Variants in MFAP2 observed in about 807,000 individuals in gnomAD.
MFAP2 encodes microfibril associated protein 2, also known as microfibrillar-associated protein 2.
A neutral mutation model predicts 30.6 loss-of-function variants in MFAP2; 23 were observed. The observed-to-expected ratio is 0.75, with a 90% confidence interval of 0.54 to 1.07. The LOEUF (loss-of-function observed/expected upper bound fraction) is 1.07. Among genes scored for constraint, MFAP2 ranks in the 50% least tolerant of loss-of-function variants. The pLI is 0.00. For synonymous variants in MFAP2, 73 were observed against 85.7 expected, an observed-to-expected ratio of 0.85 and a Z score of 0.82; for missense variants, 198 against 223.8, an observed-to-expected ratio of 0.88 and a Z score of 0.74.
rs981109024 is a variant in MFAP2 at position 16,975,163 on chromosome 1, C to T, written c.448+106G>A. ...GAGCTCAGGGTGTCCTGGAAGTGGG[C>T]CTGGTGGATAATATGTGTTGAATAA... On this transcript the variant is annotated intron_variant, in intron 8 of 8. Coordinates refer to ENST00000375535, the MANE Select transcript of MFAP2 (RefSeq NM_002403.4). This position sits in a 1 kb window ranked among gnomAD's most constrained non-coding sequence, Gnocchi z 5.0. 24 of 1,289,722 alleles carry T rather than the reference C, an allele frequency of 1.9e-5. No individual in the cohort carries two copies. The South Asian group carries it at 1.9e-4, about 10-fold the overall frequency. 79.9% of individuals were successfully genotyped at this position (1,289,722 alleles called of 1,614,324 possible). A position where few individuals can be genotyped will look rare whatever the true frequency, so the allele number is the denominator to read the frequency against.
upstream of MFAP2, among the ~76,000 whole-genome samples, chr1:16,981,533 A>ACTCCG (rs2076638141): frequency 6.6e-6 from 1 of 151,838 alleles, no homozygotes; most frequent in African/African-American, 2.4e-5. Context: ...TTCTTTTGTG[A>ACTCCG]CTCCGTTCAC....
chr1:16,980,795 A>C, upstream of MFAP2: 1 of 151,440 alleles, frequency 6.6e-6, no homozygotes, highest in Non-Finnish European at 1.5e-5. Flanking sequence ...CCCGGGGTAG[A>C]GGCGCCCGGG....
chr1:16,978,427 G>T, intron 1 of MFAP2, 113 bp from the exon 2 acceptor site: 1 of 842,634 alleles, frequency 1.2e-6, no homozygotes. Context: ...ATAGAAGCCA[G>T]GCATGGGAGG....
In MFAP2 at chr1:16,974,982, C is replaced by G; in HGVS notation, c.490G>C (p.Ala164Pro). The G allele has an allele frequency of 9.5e-7, 1 of 1,048,006 alleles. No homozygotes were observed. 64.9% of individuals were successfully genotyped at this position (1,048,006 alleles called of 1,614,324 possible). A position where few individuals can be genotyped will look rare whatever the true frequency, so the allele number is the denominator to read the frequency against. Residue 164 changes from alanine to proline, a missense_variant, in exon 9 of 9, where the codon GCC (alanine) becomes CCC (proline). Transcript: ENST00000375535. ...RDKFSKCGVM[A>P]SSGLCQSVAA... ...ACGGATTGGCACAGGCCGCTGCTGG[C>G]CATCACGCCACATTTGGAGAACTTG...
At chr1:16,977,874 C>A in intron 2 of MFAP2, 1 of 266,444 alleles carries the variant, frequency 3.8e-6, no homozygotes. Flanking sequence ...AGCAGAAGGG[C>A]CCTGAATGGA....
At position 16,975,211 on chromosome 1, in the gene MFAP2, G is replaced by A; in HGVS notation, c.448+58C>T. 6.6e-7 allele frequency: 1 copy of A among 1,519,552 alleles called. No homozygotes were observed. Among genetic ancestry groups the A allele is most frequent in the Non-Finnish European group, 9.1e-7 (1 of 1,099,802 alleles). The allele number at this position is 1,519,552 out of a possible 1,614,324, so 94.1% of individuals were successfully genotyped here. On this transcript the variant is annotated intron_variant, in intron 8 of 8. Coordinates refer to ENST00000375535, the MANE Select transcript of MFAP2 (RefSeq NM_002403.4). The surrounding 1 kb of genome is among the most constrained non-coding windows in gnomAD (Gnocchi z 5.0). ...TAAACATCAGGTGGGTGGCTAGGTG[G>A]CCAGATAATGATGCGGGTGTGGGGA...
Position 16,976,317 on chromosome 1 carries a change from G to T in MFAP2, c.286+184C>A. 1 of 722,870 alleles carries T rather than the reference G, an allele frequency of 1.4e-6. No homozygotes were observed. The highest frequency in any genetic ancestry group is 2.4e-6 in the Non-Finnish European group (1 of 421,590). The allele number at this position is 722,870 out of a possible 1,614,324, so 44.8% of individuals were successfully genotyped here. A position where few individuals can be genotyped will look rare whatever the true frequency, so the allele number is the denominator to read the frequency against. On this transcript the variant is annotated intron_variant, in intron 6 of 8. Coordinates refer to ENST00000375535, the MANE Select transcript of MFAP2 (RefSeq NM_002403.4). The surrounding 1 kb of genome is among the most constrained non-coding windows in gnomAD (Gnocchi z 5.5). ...CCTCCAGCCAGGCACACTGGGGACA[G>T]GTGGGACCTCCTGGAGCTGCCTGGG... is the stretch of plus-strand genomic sequence containing the variant.
rs571001371 is a variant in MFAP2 at position 16,977,645 on chromosome 1, T to C, written c.38-447A>G. On this transcript the variant is annotated intron_variant, in intron 2 of 8. Transcript: ENST00000375535. ...TTCTCATGTCTGCTTGTTTCCTATT[T>C]GTCTCCCTTCCCTGGACTGGCAGCA... 43 of 177,066 alleles carry C rather than the reference T, an allele frequency of 2.4e-4. 1 individual carries two copies. The highest frequency in any genetic ancestry group is 9.9e-4 in the African/African-American group (42 of 42,254). The allele number at this position is 177,066 out of a possible 1,614,324, so 11.0% of individuals were successfully genotyped here.
In MFAP2 at chr1:16,976,557, A is replaced by C. The variant is rs2076593057; in HGVS notation, c.242-12T>G. 6.2e-7 allele frequency: 1 copy of C among 1,613,996 alleles called. No homozygotes were observed. Among genetic ancestry groups the C allele is most frequent in the Non-Finnish European group, 8.5e-7 (1 of 1,180,002 alleles). On this transcript the variant is annotated splice_polypyrimidine_tract_variant and intron_variant, in intron 5 of 8. Transcript: ENST00000375535. The surrounding 1 kb of genome is among the most constrained non-coding windows in gnomAD (Gnocchi z 5.5). ...TGCATTTCCTGGTTCTGGTGTGGAG[A>C]CAGAGGTAGGCAGACATCACTGGGA... is the stretch of plus-strand genomic sequence containing the variant.
upstream of MFAP2, among the ~76,000 whole-genome samples, chr1:16,981,184 G>A (rs1557657181): frequency 6.6e-6 from 1 of 152,110 alleles, no homozygotes; most frequent in Non-Finnish European, 1.5e-5. Flanking sequence ...GCCCAGGCTC[G>A]TCTGGAACTT....
Position 16,975,093 on chromosome 1 carries a change from C to A in MFAP2, c.449-70G>T. On this transcript the variant is annotated intron_variant, in intron 8 of 8. Coordinates refer to ENST00000375535, the MANE Select transcript of MFAP2 (RefSeq NM_002403.4). This position sits in a 1 kb window ranked among gnomAD's most constrained non-coding sequence, Gnocchi z 5.0. Reference sequence around the variant, plus strand: ...ATGGGAACCGCTGCCCCTCCCCCAACTCTGGTGATGGGAGTGTTTTGAGGA... The same window carrying A: ...ATGGGAACCGCTGCCCCTCCCCCAAATCTGGTGATGGGAGTGTTTTGAGGA... The A allele has an allele frequency of 1.4e-6, 2 of 1,386,270 alleles. No individual in the cohort carries two copies. Among genetic ancestry groups the A allele is most frequent in the Non-Finnish European group, 2.0e-6 (2 of 995,552 alleles). The allele number at this position is 1,386,270 out of a possible 1,614,324, so 85.9% of individuals were successfully genotyped here.
Position 16,977,161 on chromosome 1 carries a change from C to T in MFAP2, c.75G>A (p.Pro25=), listed in dbSNP as rs113101028. The T allele has an allele frequency of 2.8e-5, 45 of 1,613,420 alleles. No homozygotes were observed. Among genetic ancestry groups the T allele is most frequent in the Non-Finnish European group, 3.1e-5 (37 of 1,179,916 alleles). Residue 25 remains proline, a synonymous_variant, in exon 3 of 9, where the codon CCG becomes CCA. Transcript: ENST00000375535. ...GGACGTGGTCAGGGAACGGCGGCAGCGGGTCCAGGTCATACTGGCCCTGAG... is the reference window on the plus strand; with the variant it reads ...GGACGTGGTCAGGGAACGGCGGCAGTGGGTCCAGGTCATACTGGCCCTGAG... ...LLAQGQYDLD[P]LPPFPDHVQY...
Position 16,975,669 on chromosome 1 carries a change from CTGTT to C in MFAP2, c.344_347del (p.Lys115SerfsTer47). On this transcript the variant is annotated frameshift_variant, in exon 7 of 9. Transcript: ENST00000375535. LOFTEE classifies it high-confidence loss of function. This position sits in a 1 kb window ranked among gnomAD's most constrained non-coding sequence, Gnocchi z 5.0. ...TGTAGAAGCAGACCTCGTTGAGACACTGTTTGCAAGGCCTGTGTATGGAGTAGAG... is the reference window on the plus strand; with the variant it reads ...TGTAGAAGCAGACCTCGTTGAGACACTGCAAGGCCTGTGTATGGAGTAGAG... The C allele has an allele frequency of 6.2e-7, 1 of 1,614,088 alleles. No individual in the cohort carries two copies. Among genetic ancestry groups the C allele is most frequent in the Non-Finnish European group, 8.5e-7 (1 of 1,179,974 alleles).
chr1:16,976,437 C>A lies in MFAP2; in HGVS notation c.286+64G>T, dbSNP rs1371018534. 4 of 1,603,648 alleles carry A rather than the reference C, an allele frequency of 2.5e-6. No homozygotes were observed. The highest frequency in any genetic ancestry group is 4.5e-5 in the East Asian group (2 of 44,850). ...AAAGACCTCCAGCCCACCAGCACCA[C>A]CCCCTACTCCACCCCAACTTCAGGG... is the stretch of plus-strand genomic sequence containing the variant. On this transcript the variant is annotated intron_variant, in intron 6 of 8. Coordinates refer to ENST00000375535, the MANE Select transcript of MFAP2 (RefSeq NM_002403.4). This position sits in a 1 kb window ranked among gnomAD's most constrained non-coding sequence, Gnocchi z 5.5.
At position 16,975,787 on chromosome 1, in the gene MFAP2, AC is replaced by A; in HGVS notation, c.287-58del. 1 of 1,503,080 alleles carries A rather than the reference AC, an allele frequency of 6.7e-7. No homozygotes were observed. The highest frequency in any genetic ancestry group is 9.2e-7 in the Non-Finnish European group (1 of 1,089,550). The allele number at this position is 1,503,080 out of a possible 1,614,324, so 93.1% of individuals were successfully genotyped here. On this transcript the variant is annotated intron_variant, in intron 6 of 8. Transcript: ENST00000375535. The surrounding 1 kb of genome is among the most constrained non-coding windows in gnomAD (Gnocchi z 5.0). ...AGAGTGGGGGGCGGCCCCCAGCCTCACCCACCTGAGGCTGGCTCACAGGGCC... is the reference window on the plus strand; with the variant it reads ...AGAGTGGGGGGCGGCCCCCAGCCTCACCACCTGAGGCTGGCTCACAGGGCC...
At chr1:16,980,733 T>G (rs1230365912), upstream of MFAP2, 1 of 150,640 alleles carries the variant, frequency 6.6e-6, no homozygotes, top group African/African-American at 2.5e-5. Flanking sequence ...GCTGCCCGCA[T>G]GGGCCGCCAC....
intron 2 of MFAP2, 63 bp downstream of exon 2, chr1:16,978,174 C>A: frequency 6.6e-7 from 1 of 1,514,326 alleles, no homozygotes; most frequent in East Asian, 2.4e-5. Context: ...TGAATTCCCC[C>A]TACTAACCCT....
At position 16,976,384 on chromosome 1, in the gene MFAP2, C is replaced by T; in HGVS notation, c.286+117G>A. 1 of 1,352,020 alleles carries T rather than the reference C, an allele frequency of 7.4e-7. No individual in the cohort carries two copies. The highest frequency in any genetic ancestry group is 1.1e-6 in the Non-Finnish European group (1 of 945,540). The allele number at this position is 1,352,020 out of a possible 1,614,324, so 83.8% of individuals were successfully genotyped here. A position where few individuals can be genotyped will look rare whatever the true frequency, so the allele number is the denominator to read the frequency against. On this transcript the variant is annotated intron_variant, in intron 6 of 8. Transcript: ENST00000375535. This position sits in a 1 kb window ranked among gnomAD's most constrained non-coding sequence, Gnocchi z 5.5. ...GCCTACGGCAGTCATACTGCCCACA[C>T]TGCCAAGAGCCCACATGGGCAAGGG...
At chr1:16,977,227 C>A (rs112564340) in intron 2 of MFAP2, 29 bp from the exon 3 acceptor site, 4 of 1,608,268 alleles carry the variant, frequency 2.5e-6, no homozygotes, top group African/African-American at 1.3e-5. Flanking sequence ...TGTAGGGTAC[C>A]CCATCGGGAG....
Sources: allele counts gnomAD v4.1 joint callset (sites outside exome capture counted in the v4.1 genomes callset), GRCh38; gene constraint gnomAD v4.1.1; non-coding constraint Gnocchi (gnomAD v3.1); transcripts MANE v1.5; gene names NCBI Gene and HGNC (gene_info 2026-07-23, HGNC 2026-07-21).